Variants in PPP6R2 observed in about 807,000 individuals in gnomAD.
The protein encoded by PPP6R2 is protein phosphatase 6 regulatory subunit 2, also known as serine/threonine-protein phosphatase 6 regulatory subunit 2.
Under a neutral mutation model 100.2 loss-of-function variants are expected in PPP6R2, and 62 were observed. The ratio of observed to expected loss-of-function variants is 0.62; its 90% CI spans 0.50 to 0.76. The LOEUF (loss-of-function observed/expected upper bound fraction) is 0.76. Among genes scored for constraint, PPP6R2 ranks in the 30% least tolerant of loss-of-function variants. The pLI is 0.00. For synonymous variants in PPP6R2, 525 were observed against 514.7 expected (o/e 1.02, Z -0.27); for missense variants, 1,142 against 1,276.3 (o/e 0.89, Z 1.60).
rs975244653 is a variant in PPP6R2, at chr22:50,444,547, G to A, written c.*300G>A. The A allele has an allele frequency of 5.4e-6, 2 of 367,508 alleles. 1 individual carries two copies. The highest frequency in any genetic ancestry group is 4.4e-5 in the African/African-American group (2 of 45,680). The allele number at this position is 367,508 out of a possible 1,614,324, so 22.8% of individuals were successfully genotyped here. ...GCCGGGGTGGGGGTGGGGGTGGGGGGGGCAGGACCCTGAGATGCCACCAGG... is the reference window on the plus strand; with the variant it reads ...GCCGGGGTGGGGGTGGGGGTGGGGGAGGCAGGACCCTGAGATGCCACCAGG... On this transcript the variant is annotated 3_prime_UTR_variant, in exon 24 of 24. Transcript: ENST00000612753.
At chr22:50,349,740 G>A (rs191100867) in intron 1 of PPP6R2, among the ~76,000 whole-genome samples, 2 of 151,282 alleles carry the variant, frequency 1.3e-5, no homozygotes, top group Admixed American at 6.6e-5. Flanking sequence ...GCTTGAACCC[G>A]GGAAGCGGAG....
In PPP6R2 at chr22:50,437,073, G is replaced by A. The variant is rs2064467863; in HGVS notation, c.1683+5G>A. On this transcript the variant is annotated splice_donor_5th_base_variant and intron_variant, in intron 15 of 23. Transcript: ENST00000612753. Reference sequence around the variant, plus strand: ...AACGAGCTGTCCCTTCAGCAGGTGAGGGCGTGGCCGGCACCTGCACCCTGC... The same window carrying A: ...AACGAGCTGTCCCTTCAGCAGGTGAAGGCGTGGCCGGCACCTGCACCCTGC... 6.4e-7 allele frequency: 1 copy of A among 1,555,938 alleles called. No individual in the cohort carries two copies. The highest frequency in any genetic ancestry group is 8.7e-7 in the Non-Finnish European group (1 of 1,150,634).
At chr22:50,414,748 G>A (rs1239223490) in intron 5 of PPP6R2, 59 bp downstream of exon 5, 1 of 1,573,956 alleles carries the variant, frequency 6.4e-7, no homozygotes, top group African/African-American at 1.4e-5. Context: ...AAGCCAGCTG[G>A]TTAAGTGCAG....
intron 5 of PPP6R2, 88 bp from the exon 6 acceptor site, chr22:50,416,004 G>T (rs775296502): frequency 8.5e-7 from 1 of 1,171,666 alleles, no homozygotes; most frequent in South Asian, 1.3e-5. Flanking sequence ...TCTAGAAAAC[G>T]GGTGCAGTGC....
At chr22:50,338,201 G>A in the PPP6R2 span, among the ~76,000 whole-genome samples, 1 of 144,394 alleles carries the variant, frequency 6.9e-6, no homozygotes, top group Non-Finnish European at 1.5e-5. Context: ...GGTATAGTGT[G>A]TGTCGGGGGT....
intron 2 of PPP6R2, among the ~76,000 whole-genome samples, chr22:50,381,509 A>G (rs760263348): frequency 6.6e-6 from 1 of 152,084 alleles, no homozygotes; most frequent in Non-Finnish European, 1.5e-5. Context: ...GAGGCATCCC[A>G]GTTTAACATC....
intron 10 of PPP6R2, among the ~76,000 whole-genome samples, chr22:50,426,706 C>T (rs554210164): frequency 7.2e-5 from 11 of 152,008 alleles, no homozygotes; most frequent in African/African-American, 2.7e-4. Context: ...ATGGTGGCAG[C>T]GCCTGTAATC....
At chr22:50,364,853 G>T (rs1381461179) in intron 1 of PPP6R2, among the ~76,000 whole-genome samples, 2 of 151,948 alleles carry the variant, frequency 1.3e-5, no homozygotes, top group African/African-American at 4.8e-5. Flanking sequence ...CACTTAATGT[G>T]TCATCGTGTA....
intron 3 of PPP6R2, among the ~76,000 whole-genome samples, chr22:50,394,499 C>T (rs1025568304): frequency 4.0e-5 from 6 of 149,564 alleles, no homozygotes; most frequent in East Asian, 3.9e-4. Context: ...CTCGGGAGGC[C>T]GAGGTAGGAG....
At chr22:50,398,469 G>A (rs540673984) in intron 3 of PPP6R2, among the ~76,000 whole-genome samples, 37 of 146,264 alleles carry the variant, frequency 2.5e-4, no homozygotes, top group African/African-American at 9.0e-4. Flanking sequence ...CACTGCACCC[G>A]GCCCCCATCT....
At chr22:50,335,897 C>G in the PPP6R2 span, among the ~76,000 whole-genome samples, 22 of 143,702 alleles carry the variant, frequency 1.5e-4, 3 homozygotes, top group Admixed American at 1.3e-3. Context: ...GGGCTGGTCT[C>G]GAGCTCCTGA....
intron 2 of PPP6R2, among the ~76,000 whole-genome samples, chr22:50,392,605 A>G (rs1318074576): frequency 6.6e-6 from 1 of 152,202 alleles, no homozygotes; most frequent in Non-Finnish European, 1.5e-5. Context: ...TGCCATCTGC[A>G]TGGGAAGAAA....
rs200178930 is a variant in PPP6R2 at position 50,410,469 on chromosome 22, CTTTTTTTTTTTTTTTT to C, written c.414+3604_414+3619del. ...ATCTTTGTATTATTTTGAGTGGTGT[CTTTTTTTTTTTTTTTT>C]TTTTTTTTTGAGACGGAGTCTTGCT... On this transcript the variant is annotated intron_variant, in intron 4 of 23. Transcript: ENST00000612753. 3.9e-5 allele frequency among the ~76,000 whole-genome samples: 4 copies of C among 103,342 alleles called. No homozygotes were observed. The South Asian group carries it at 1.3e-3, about 35-fold the overall frequency. The allele number at this position is 103,342 out of a possible 152,430, so 67.8% of individuals were successfully genotyped here. A position where few individuals can be genotyped will look rare whatever the true frequency, so the allele number is the denominator to read the frequency against.
At chr22:50,426,914 C>T (rs966387827) in intron 10 of PPP6R2, among the ~76,000 whole-genome samples, 2 of 150,208 alleles carry the variant, frequency 1.3e-5, no homozygotes, top group Non-Finnish European at 2.9e-5. Flanking sequence ...GCCGGCCGGG[C>T]GCAGTGGCTC....
chr22:50,420,770 C>T (rs2061226290), intron 8 of PPP6R2, among the ~76,000 whole-genome samples: 1 of 152,212 alleles, frequency 6.6e-6, no homozygotes, highest in East Asian at 1.9e-4. Context: ...AAAAGGGCCA[C>T]ATCAGTGTCC....
At chr22:50,417,612 C>G (rs56831015) in intron 6 of PPP6R2, among the ~76,000 whole-genome samples, 4,196 of 152,290 alleles carry the variant, frequency 0.028, 197 homozygotes, top group African/African-American at 0.096. Flanking sequence ...GGCCAACCAC[C>G]CTACTTTGTT....
intron 1 of PPP6R2, among the ~76,000 whole-genome samples, chr22:50,347,392 C>T (rs1046968366): frequency 1.3e-5 from 2 of 151,992 alleles, no homozygotes; most frequent in Admixed American, 6.6e-5. Context: ...CAACACTACT[C>T]GTCTTTTCCT....
chr22:50,442,099 C>G (rs1423681216), intron 22 of PPP6R2, among the ~76,000 whole-genome samples: 1 of 152,184 alleles, frequency 6.6e-6, no homozygotes, highest in Non-Finnish European at 1.5e-5. Context: ...TGTGAAGGGC[C>G]TGCCTGGAGC....
the PPP6R2 span, among the ~76,000 whole-genome samples, chr22:50,338,233 G>GTGTGGTGTGTTTGTGTCTA: frequency 7.0e-6 from 1 of 141,994 alleles, no homozygotes; most frequent in African/African-American, 2.6e-5. Context: ...GTTGGTGTGT[G>GTGTGGTGTGTTTGTGTCTA]TGTGTGGTGT....
Sources: gnomAD v4.1 joint callset for allele counts (sites outside exome capture counted in the v4.1 genomes callset) on GRCh38, gnomAD v4.1.1 for gene constraint, MANE v1.5 for transcripts, NCBI Gene and HGNC (gene_info 2026-07-23, HGNC 2026-07-21) for gene names.